The following MTOR variants were observed in gnomAD, a reference collection of about 807,000 sequenced individuals.
MTOR encodes the protein serine/threonine-protein kinase mTOR.
In MTOR, 70 loss-of-function variants were observed where a neutral mutation model predicts 319.8. The ratio of observed to expected loss-of-function variants is 0.22; its 90% CI spans 0.18 to 0.27. The LOEUF (loss-of-function observed/expected upper bound fraction) is 0.27. Ranked by LOEUF, MTOR falls within the 10% of genes least tolerant of loss-of-function variation. The pLI, the probability that MTOR is intolerant of heterozygous loss-of-function variation, is 1.00. For missense variants in MTOR, 1,890 were observed against 3,274.4 expected, an observed-to-expected ratio of 0.58 and a Z score of 10.32; for synonymous variants, 1,183 against 1,211.4, an observed-to-expected ratio of 0.98 and a Z score of 0.49.
chr1:11,258,774 G>A (rs920988239), intron 2 of MTOR, among the ~76,000 whole-genome samples, 181 bp from the exon 3 acceptor site: 3 of 152,150 alleles, frequency 2.0e-5, no homozygotes, highest in Non-Finnish European at 4.4e-5. Flanking sequence ...GCAATCATCT[G>A]ATTATTTAAC....
At chr1:11,251,130 C>T (rs765912373) in intron 6 of MTOR, among the ~76,000 whole-genome samples, 3 of 149,702 alleles carry the variant, frequency 2.0e-5, no homozygotes, top group African/African-American at 7.3e-5. Context: ...TATAGCTTCC[C>T]GCTTCCCACA....
At chr1:11,161,897 G>A (rs978072186) in intron 29 of MTOR, among the ~76,000 whole-genome samples, 3 of 152,204 alleles carry the variant, frequency 2.0e-5, no homozygotes, top group Admixed American at 6.5e-5. Context: ...CCAAAGGAAC[G>A]CAGCTCTTTG....
chr1:11,257,282 T>C (rs1021941916), intron 3 of MTOR, 117 bp from the exon 4 acceptor site: 13 of 856,026 alleles, frequency 1.5e-5, no homozygotes, highest in Non-Finnish European at 2.2e-5. Context: ...AAGTCTGTAA[T>C]CCTAGCACTT....
intron 28 of MTOR, chr1:11,189,672 G>A (rs755459406): frequency 6.2e-7 from 1 of 1,614,184 alleles, no homozygotes; most frequent in South Asian, 1.1e-5. Context: ...AGCTCTCTAA[G>A]CACAAGACAC....
intron 6 of MTOR, among the ~76,000 whole-genome samples, chr1:11,252,175 T>A (rs1198316386): frequency 1.3e-5 from 2 of 152,258 alleles, no homozygotes; most frequent in Non-Finnish European, 2.9e-5. Flanking sequence ...ATCATCTCTA[T>A]GTTAGTTATA....
intron 28 of MTOR, chr1:11,194,365 A>ATGTT: frequency 3.6e-6 from 4 of 1,122,700 alleles, no homozygotes; most frequent in Non-Finnish European, 5.3e-6. Context: ...CTATAAAAAG[A>ATGTT]TGTTTGGCTA....
intron 10 of MTOR, 106 bp downstream of exon 10, chr1:11,241,447 A>T: frequency 1.4e-6 from 2 of 1,381,918 alleles, no homozygotes; most frequent in Non-Finnish European, 1.9e-6. Flanking sequence ...TATCCTGTCC[A>T]TCCAGTTGAA....
Position 11,133,304 on chromosome 1 carries a change from T to A in MTOR, c.5247-107A>T, listed in dbSNP as rs1256764424. 7.0e-6 allele frequency: 7 copies of A among 1,002,428 alleles called. No individual in the cohort carries two copies. Among genetic ancestry groups the A allele is most frequent in the Non-Finnish European group, 1.1e-5 (7 of 655,252 alleles). 62.1% of individuals were successfully genotyped at this position (1,002,428 alleles called of 1,614,324 possible). On this transcript the variant is annotated intron_variant, in intron 37 of 57. Coordinates refer to ENST00000361445, the MANE Select transcript of MTOR (RefSeq NM_004958.4). This position sits in a 1 kb window ranked among gnomAD's most constrained non-coding sequence, Gnocchi z 4.0. ...CTGAAGCCCTTCTGGTATTTCCTCT[T>A]ATTCTCAAGAGGCAATGTGAAGGAG...
rs1215487584 is a variant in MTOR, at chr1:11,139,527, A to T, written c.4998+6T>A. ...CTGCCCATGTGGGTGGGTGGTTGTC[A>T]CTCACCAGCCTGCCACTCTTGCCGC... On this transcript the variant is annotated splice_donor_region_variant and intron_variant, in intron 35 of 57. Transcript: ENST00000361445. 2 of 1,614,082 alleles carry T rather than the reference A, an allele frequency of 1.2e-6. No homozygotes were observed. Among genetic ancestry groups the T allele is most frequent in the Non-Finnish European group, 1.7e-6 (2 of 1,180,014 alleles).
At position 11,172,030 on chromosome 1, in the gene MTOR, CAAAA is replaced by C. The variant is rs1314310546; in HGVS notation, c.4254-4517_4254-4514del. Among the ~76,000 whole-genome samples the C allele has an allele frequency of 3.1e-4, 26 of 84,688 alleles. No homozygotes were observed. The South Asian group carries it at 8.0e-3, about 26-fold the overall frequency. The allele number at this position is 84,688 out of a possible 152,430, so 55.6% of individuals were successfully genotyped here. ...GGGCAACAAGAGCAAAACTCCATCT[CAAAA>C]AAAAAAAAAAAAAGAGAGAGGGAGA... is the stretch of plus-strand genomic sequence containing the variant. On this transcript the variant is annotated intron_variant, in intron 28 of 57. Coordinates refer to ENST00000361445, the MANE Select transcript of MTOR (RefSeq NM_004958.4).
At chr1:11,120,909 ACCAAACCAAACCAAACAAAAACT>A (rs1206857696) in intron 49 of MTOR, among the ~76,000 whole-genome samples, 5 of 152,300 alleles carry the variant, frequency 3.3e-5, no homozygotes, top group African/African-American at 1.2e-4. Flanking sequence ...TGTATCAAAA[ACCAAACCAAACCAAACAAAAACT>A]CCAAACCAAA....
intron 11 of MTOR, among the ~76,000 whole-genome samples, chr1:11,239,549 T>C (rs1403318460): frequency 6.7e-6 from 1 of 149,164 alleles, no homozygotes; most frequent in African/African-American, 2.6e-5. Context: ...GAAATATATC[T>C]CTGTGGGGTA....
chr1:11,162,869 G>A (rs879828109), intron 29 of MTOR, among the ~76,000 whole-genome samples: 12 of 152,144 alleles, frequency 7.9e-5, no homozygotes, highest in Non-Finnish European at 1.3e-4. Context: ...GGAAGAAACC[G>A]CATCAACTAA....
chr1:11,210,150 G>A (rs905616104), intron 24 of MTOR, among the ~76,000 whole-genome samples: 2 of 152,094 alleles, frequency 1.3e-5, no homozygotes, highest in African/African-American at 2.4e-5. Flanking sequence ...TTACAGGCAT[G>A]AGCCCCTGTG....
intron 30 of MTOR, among the ~76,000 whole-genome samples, chr1:11,155,892 GA>G (rs201943527): frequency 0.012 from 1,810 of 152,342 alleles, 48 homozygotes; most frequent in African/African-American, 0.041. Flanking sequence ...CTGAATGAAG[GA>G]ACAGTGGACC....
In MTOR at chr1:11,212,342, C is replaced by T. The variant is rs754799479; in HGVS notation, c.3531G>A (p.Leu1177=). ...PELRSTAMDT[L]SSLVFQLGKK... is the part of the protein sequence containing the mutation. ...TCCCCAGCTGAAAAACAAGTGAAGACAGCGTGTCCATGGCTGTGGAGCGCA... is the reference window on the plus strand; with the variant it reads ...TCCCCAGCTGAAAAACAAGTGAAGATAGCGTGTCCATGGCTGTGGAGCGCA... Residue 1177 remains leucine (L), a synonymous_variant, in exon 23 of 58, where the codon CTG becomes CTA. Transcript: ENST00000361445. The surrounding 1 kb of genome is among the most constrained non-coding windows in gnomAD (Gnocchi z 4.1). 1.5e-5 allele frequency: 24 copies of T among 1,613,958 alleles called. No homozygotes were observed. The highest frequency in any genetic ancestry group is 2.0e-5 in the Non-Finnish European group (24 of 1,179,988).
intron 34 of MTOR, among the ~76,000 whole-genome samples, chr1:11,141,832 A>T (rs1218090733): frequency 1.3e-5 from 2 of 150,212 alleles, no homozygotes; most frequent in Non-Finnish European, 3.0e-5. Flanking sequence ...TAAAAAATAA[A>T]AAAAATAATA....
intron 52 of MTOR, 126 bp downstream of exon 52, chr1:11,114,687 C>T (rs1313455766): frequency 9.1e-7 from 1 of 1,098,472 alleles, no homozygotes; most frequent in Non-Finnish European, 1.3e-6. Context: ...TAGGAAATAA[C>T]AGAAAACTGC....
chr1:11,239,066 G>A (rs976640095), intron 11 of MTOR, among the ~76,000 whole-genome samples: 4 of 151,968 alleles, frequency 2.6e-5, no homozygotes, highest in Non-Finnish European at 4.4e-5. Context: ...AAGCCACCGC[G>A]CCAGGCCTGA....
Sources: gnomAD v4.1 joint callset for allele counts (sites outside exome capture counted in the v4.1 genomes callset) on GRCh38, gnomAD v4.1.1 for gene constraint, Gnocchi (gnomAD v3.1) non-coding constraint, MANE v1.5 for transcripts, NCBI Gene and HGNC (gene_info 2026-07-23, HGNC 2026-07-21) for gene names.